DPH6: variants seen among roughly 807,000 people sequenced by gnomAD.
DPH6 encodes the protein diphthine--ammonia ligase.
In DPH6, 33 loss-of-function variants were observed where a neutral mutation model predicts 38.2. The ratio of observed to expected loss-of-function variants is 0.86; its 90% confidence interval spans 0.65 to 1.15. The LOEUF (loss-of-function observed/expected upper bound fraction) is 1.15, where lower values mean the gene tolerates loss of function less well. DPH6 is among the 50% of genes most tolerant of loss of function. The pLI is 0.00. For missense variants in DPH6, 325 were observed against 320.0 expected (o/e 1.02, Z -0.12); for synonymous variants, 108 against 103.0 (o/e 1.05, Z -0.30).
At chr15:35,171,404 C>T in the DPH6 span, among the ~76,000 whole-genome samples, 24 of 152,100 alleles carry the variant, frequency 1.6e-4, no homozygotes, top group African/African-American at 5.3e-4. Context: ...ATTAGGTTTA[C>T]ATATACACAC....
In DPH6 at chr15:35,254,908, G is replaced by GA. The variant is rs1356309058; in HGVS notation, n.201-34327dup. 5.9e-5 allele frequency among the ~76,000 whole-genome samples: 9 copies of GA among 152,264 alleles called. No homozygotes were observed. The South Asian group carries it at 1.9e-3, about 32-fold the overall frequency. ...TCTCAAGGGTGGGGAGAATTACAAA[G>GA]AACCTTCTTAAGGGTGGGGGAGACT... is the stretch of plus-strand genomic sequence containing the variant. On this transcript the variant is annotated intron_variant and non_coding_transcript_variant, in intron 3 of 3. Coordinates refer to the DPH6 transcript ENST00000560386.
intron 4 of DPH6, among the ~76,000 whole-genome samples, chr15:35,453,862 GTTTC>G (rs762502428): frequency 3.3e-5 from 5 of 151,826 alleles, no homozygotes; most frequent in African/African-American, 7.3e-5. Context: ...AAATAGGAAT[GTTTC>G]TTTATCAAGA....
In DPH6 at chr15:35,345,344, A is replaced by T. The variant is rs1258209723; in HGVS notation, n.208-14267T>A. ...ATAGTTTTATTTCTTCCTTTCCCTA[A>T]TTTATACATTTATTTATTTTTCTTG... On this transcript the variant is annotated intron_variant and non_coding_transcript_variant, in intron 3 of 3. Transcript: ENST00000558973. Among the ~76,000 whole-genome samples, 4 of 151,778 alleles carry T rather than the reference A, an allele frequency of 2.6e-5. No individual in the cohort carries two copies. In the East Asian group the frequency reaches 7.7e-4, roughly 29 times the overall value.
downstream of DPH6, among the ~76,000 whole-genome samples, chr15:35,369,040 A>G (rs1161222652): frequency 6.6e-6 from 1 of 151,880 alleles, no homozygotes; most frequent in African/African-American, 2.4e-5. Flanking sequence ...GAAGGTAAAA[A>G]GAAGAGAAGC....
chr15:35,306,298 A>T (rs535822749), intron 3 of DPH6, among the ~76,000 whole-genome samples: 1 of 152,232 alleles, frequency 6.6e-6, no homozygotes, highest in Non-Finnish European at 1.5e-5. Flanking sequence ...AATAAAATAC[A>T]TTTCCCACCA....
At chr15:35,275,963 C>T (rs950974320) in intron 3 of DPH6, among the ~76,000 whole-genome samples, 7 of 152,152 alleles carry the variant, frequency 4.6e-5, no homozygotes, top group African/African-American at 1.2e-4. Flanking sequence ...GGTAGATACA[C>T]AGTAGTGGGA....
intron 3 of DPH6, among the ~76,000 whole-genome samples, chr15:35,236,871 T>C (rs2051556016): frequency 6.6e-6 from 1 of 152,186 alleles, no homozygotes; most frequent in South Asian, 2.1e-4. Flanking sequence ...ACTGGGGCTC[T>C]TACATACTGC....
At chr15:35,207,038 CTTTTTTTTTTTT>C in the DPH6 span, among the ~76,000 whole-genome samples, 3 of 74,068 alleles carry the variant, frequency 4.1e-5, no homozygotes, top group East Asian at 5.3e-4. Context: ...TTTAGTAAAG[CTTTTTTTTTTTT>C]TTTTTTTTTT....
intron 3 of DPH6, among the ~76,000 whole-genome samples, chr15:35,512,475 C>A (rs577785599): frequency 6.6e-6 from 1 of 152,086 alleles, no homozygotes; most frequent in Non-Finnish European, 1.5e-5. Context: ...ATACTAAAAT[C>A]TAGCACACGA....
At chr15:35,352,611 C>T (rs966927903) in intron 3 of DPH6, among the ~76,000 whole-genome samples, 3 of 152,172 alleles carry the variant, frequency 2.0e-5, no homozygotes, top group Non-Finnish European at 4.4e-5. Flanking sequence ...GACATGAACT[C>T]ATCATTTTTT....
At chr15:35,224,890 A>G (rs1047760367) in intron 3 of DPH6, among the ~76,000 whole-genome samples, 1 of 152,216 alleles carries the variant, frequency 6.6e-6, no homozygotes, top group African/African-American at 2.4e-5. Flanking sequence ...CAATCTCCCC[A>G]ATGTTAACAT....
At chr15:35,408,154 T>A (rs1293069678) in intron 6 of DPH6, among the ~76,000 whole-genome samples, 1 of 151,970 alleles carries the variant, frequency 6.6e-6, no homozygotes, top group Non-Finnish European at 1.5e-5. Context: ...CAAGATCATG[T>A]TAATGAGTTA....
chr15:35,343,780 T>C (rs1595490233), intron 3 of DPH6, among the ~76,000 whole-genome samples: 2 of 152,012 alleles, frequency 1.3e-5, no homozygotes, highest in African/African-American at 4.8e-5. Context: ...AACTTTATAA[T>C]GTAGTCTTGT....
At chr15:35,212,339 T>A in the DPH6 span, among the ~76,000 whole-genome samples, 1 of 152,122 alleles carries the variant, frequency 6.6e-6, no homozygotes, top group South Asian at 2.1e-4. Flanking sequence ...AGAATTTTGT[T>A]AGAGGTCAAC....
At chr15:35,279,440 G>A (rs1015869296) in intron 3 of DPH6, among the ~76,000 whole-genome samples, 1 of 152,100 alleles carries the variant, frequency 6.6e-6, no homozygotes, top group Non-Finnish European at 1.5e-5. Context: ...CCAAATGTCA[G>A]GTTGAAATGT....
intron 1 of DPH6, among the ~76,000 whole-genome samples, chr15:35,544,303 T>C (rs1000873563): frequency 1.4e-5 from 2 of 145,158 alleles, no homozygotes; most frequent in African/African-American, 5.1e-5. Flanking sequence ...TAATGTTCTA[T>C]GAGAGCATAT....
rs2051558577 is a variant in DPH6 at position 35,237,186 on chromosome 15, C to G, written n.201-16604G>C. On this transcript the variant is annotated intron_variant and non_coding_transcript_variant, in intron 3 of 3. Coordinates refer to the DPH6 transcript ENST00000560386. ...AAAAATTCAGCATTAAAAGAATGAC[C>G]ATTGAGGTTAGCGTGTGCCGGGGGT... 3 of 670,294 alleles carry G rather than the reference C, an allele frequency of 4.5e-6. No homozygotes were observed. The South Asian group carries it at 5.3e-5, about 12-fold the overall frequency. The allele number at this position is 670,294 out of a possible 1,614,324, so 41.5% of individuals were successfully genotyped here.
chr15:35,479,077 A>C (rs1478131158), intron 3 of DPH6, among the ~76,000 whole-genome samples: 1 of 152,060 alleles, frequency 6.6e-6, no homozygotes, highest in East Asian at 1.9e-4. Context: ...CTGACAAAGA[A>C]AATTTCAAAT....
chr15:35,530,560 T>C (rs1254623492), intron 3 of DPH6, among the ~76,000 whole-genome samples: 1 of 152,172 alleles, frequency 6.6e-6, no homozygotes, highest in Non-Finnish European at 1.5e-5. Flanking sequence ...ACAAAGGGTA[T>C]ACATGTGCAT....
Sources: gnomAD v4.1 joint callset for allele counts (sites outside exome capture counted in the v4.1 genomes callset) on GRCh38, gnomAD v4.1.1 for gene constraint, MANE v1.5 for transcripts, NCBI Gene and HGNC (gene_info 2026-07-23, HGNC 2026-07-21) for gene names.